Variants in FAM153A observed in about 807,000 individuals in gnomAD.
FAM153A encodes protein FAM153A.
In FAM153A, 12 loss-of-function variants were observed where a neutral mutation model predicts 48.1. That is an observed-to-expected ratio of 0.25 (90% CI 0.16 to 0.40). The LOEUF is 0.40. FAM153A is among the 10% of genes least tolerant of loss of function. The pLI is 1.00. For missense variants in FAM153A, 111 were observed against 345.8 expected, an observed-to-expected ratio of 0.32 and a Z score of 5.38; for synonymous variants, 36 against 118.2, an observed-to-expected ratio of 0.30 and a Z score of 4.51.
At chr5:177,755,652 C>G (rs532483727), upstream of FAM153A, among the ~76,000 whole-genome samples, 7 of 151,904 alleles carry the variant, frequency 4.6e-5, no homozygotes, top group East Asian at 1.2e-3. Context: ...ATAAACTCCA[C>G]AAGCCAGAAG....
chr5:177,730,296 A>T (rs1763569794), intron 16 of FAM153A, among the ~76,000 whole-genome samples: 1 of 121,252 alleles, frequency 8.2e-6, no homozygotes, highest in South Asian at 3.1e-4. Flanking sequence ...CTGCAGGGAA[A>T]ATGGGTGCCC....
chr5:177,757,657 G>A, upstream of FAM153A, among the ~76,000 whole-genome samples: 2 of 151,526 alleles, frequency 1.3e-5, no homozygotes, highest in Non-Finnish European at 2.9e-5. Flanking sequence ...TCCCTGGGAT[G>A]CAAGGCTGGT....
chr5:177,730,550 T>TCAAA (rs10631549), intron 16 of FAM153A, among the ~76,000 whole-genome samples: 22,368 of 116,812 alleles, frequency 0.19, 6,115 homozygotes, highest in African/African-American at 0.29. Flanking sequence ...ATGTACCTAC[T>TCAAA]CAAACCCTGG....
upstream of FAM153A, chr5:177,781,707 T>TTTTG (rs576057755): frequency 2.1e-4 from 20 of 95,190 alleles, 5 homozygotes; most frequent in African/African-American, 7.8e-4. Context: ...ACTCACGGTT[T>TTTTG]TTTGTTTGTT....
downstream of FAM153A, among the ~76,000 whole-genome samples, chr5:177,708,437 C>T (rs182573229): frequency 1.1e-4 from 17 of 151,938 alleles, no homozygotes; most frequent in South Asian, 6.2e-4. Context: ...ATTAGCCAGG[C>T]GTGGTGGCAC....
chr5:177,714,585 CAT>C (rs1231422740), intron 25 of FAM153A, among the ~76,000 whole-genome samples: 1 of 85,396 alleles, frequency 1.2e-5, no homozygotes, highest in African/African-American at 4.9e-5. Context: ...TCAAAATAGA[CAT>C]ATCCGAAGTT....
At chr5:177,781,015 T>C (rs1470267476), upstream of FAM153A, among the ~76,000 whole-genome samples, 1 of 56,986 alleles carries the variant, frequency 1.8e-5, no homozygotes, top group African/African-American at 7.1e-5. Flanking sequence ...TTTTCCTATT[T>C]ACATAAGAAA....
chr5:177,737,763 A>T (rs1764908832), intron 10 of FAM153A, among the ~76,000 whole-genome samples: 1 of 151,556 alleles, frequency 6.6e-6, no homozygotes, highest in Non-Finnish European at 1.5e-5. Context: ...CAGGTGATCC[A>T]CCCGTCTTGG....
At chr5:177,696,918 C>A in the FAM153A span, among the ~76,000 whole-genome samples, 1 of 151,604 alleles carries the variant, frequency 6.6e-6, no homozygotes, top group Non-Finnish European at 1.5e-5. Context: ...ATTGTTTTGG[C>A]TATTCTAGGT....
chr5:177,738,001 C>T (rs4868589), intron 10 of FAM153A, among the ~76,000 whole-genome samples: 2 of 151,566 alleles, frequency 1.3e-5, no homozygotes, highest in Admixed American at 6.6e-5. Context: ...GTCCTTCTGC[C>T]CTTCCTTTTA....
chr5:177,711,823 A>C (rs1318851201), exon 27 of FAM153A: 1 of 151,620 alleles, frequency 6.6e-6, no homozygotes, highest in Non-Finnish European at 1.5e-5. Context: ...TCCCTCCCCA[A>C]CCCCAACGCC....
chr5:177,768,851 G>C (rs1307997208), intron 1 of FAM153A, among the ~76,000 whole-genome samples: 2 of 112,304 alleles, frequency 1.8e-5, no homozygotes, highest in Non-Finnish European at 3.7e-5. Flanking sequence ...ATCAAGGCCT[G>C]ACTATCTAGG....
chr5:177,743,201 G>GTTTTTT (rs1191782624), intron 6 of FAM153A, among the ~76,000 whole-genome samples: 1 of 86,474 alleles, frequency 1.2e-5, no homozygotes, highest in Non-Finnish European at 2.4e-5. Context: ...TTTTTTTTTT[G>GTTTTTT]TTTTGTTTTT....
rs184323317 is a variant in FAM153A, at chr5:177,769,859, A to T, written c.-57+10590T>A. The stretch of plus-strand genomic sequence containing the variant: ...ACATTCAGAGAGAAGCTTAAGAAAC[A>T]CCGGCGTGGTGTGCCAGGCTGCCAG... On this transcript the variant is annotated intron_variant, in intron 1 of 8. Coordinates refer to the FAM153A transcript ENST00000393518. Among the ~76,000 whole-genome samples, 243 of 97,074 alleles carry T rather than the reference A, an allele frequency of 2.5e-3. 88 individuals are homozygous for T. Among genetic ancestry groups the T allele is most frequent in the Admixed American group, 7.7e-3 (72 of 9,344 alleles). The allele number at this position is 97,074 out of a possible 152,430, so 63.7% of individuals were successfully genotyped here. A position where few individuals can be genotyped will look rare whatever the true frequency, so the allele number is the denominator to read the frequency against.
intron 1 of FAM153A, among the ~76,000 whole-genome samples, chr5:177,768,914 C>A (rs1338507873): frequency 9.4e-6 from 1 of 106,012 alleles, no homozygotes; most frequent in Non-Finnish European, 2.0e-5. Context: ...TATCACTTCA[C>A]ATCATCACAA....
chr5:177,776,559 T>C (rs560306576), intron 1 of FAM153A, among the ~76,000 whole-genome samples: 3 of 82,874 alleles, frequency 3.6e-5, no homozygotes, highest in Admixed American at 1.3e-4. Flanking sequence ...TTACAAGGGA[T>C]GTGAAGGACC....
At chr5:177,753,490 G>T (rs991697405), upstream of FAM153A, among the ~76,000 whole-genome samples, 1 of 148,896 alleles carries the variant, frequency 6.7e-6, no homozygotes, top group Non-Finnish European at 1.5e-5. Context: ...CATTAAAGGA[G>T]GAAAAAGATT....
upstream of FAM153A, among the ~76,000 whole-genome samples, chr5:177,754,435 G>A (rs1381268828): frequency 6.6e-6 from 1 of 151,848 alleles, no homozygotes; most frequent in Non-Finnish European, 1.5e-5. Flanking sequence ...ACAAAAGGCA[G>A]CAGAAACCTC....
upstream of FAM153A, among the ~76,000 whole-genome samples, chr5:177,755,153 G>T (rs1287374288): frequency 6.6e-6 from 1 of 151,940 alleles, no homozygotes; most frequent in East Asian, 1.9e-4. Flanking sequence ...ACCTGATGGA[G>T]CTGAAAACCA....
Sources: gnomAD v4.1 joint callset for allele counts (sites outside exome capture counted in the v4.1 genomes callset) on GRCh38, gnomAD v4.1.1 for gene constraint, MANE v1.5 for transcripts, NCBI Gene and HGNC (gene_info 2026-07-23, HGNC 2026-07-21) for gene names.